DNAI2: variants seen among roughly 807,000 people sequenced by gnomAD.
The protein encoded by DNAI2 is dynein, axonemal, intermediate polypeptide 2.
DNAI2 carries 63 observed loss-of-function variants against 74.7 expected under a neutral mutation model. The ratio of observed to expected loss-of-function variants is 0.84; its 90% CI spans 0.69 to 1.04. The LOEUF (loss-of-function observed/expected upper bound fraction) is 1.04, where lower values mean the gene tolerates loss of function less well. Ranked by LOEUF, DNAI2 falls within the 50% of genes least tolerant of loss-of-function variation. The pLI is 0.00. For missense variants in DNAI2, 688 were observed against 803.2 expected, an observed-to-expected ratio of 0.86 and a Z score of 1.73; for synonymous variants, 289 against 314.9, an observed-to-expected ratio of 0.92 and a Z score of 0.87.
intron 1 of DNAI2, among the ~76,000 whole-genome samples, chr17:74,281,328 G>C (rs542850730): frequency 6.6e-6 from 1 of 150,806 alleles, no homozygotes; most frequent in Non-Finnish European, 1.5e-5. Context: ...GTGTGATCTC[G>C]GCTCACTGCA....
intron 1 of DNAI2, 90 bp from the exon 2 acceptor site, chr17:74,281,717 T>C: frequency 6.0e-6 from 8 of 1,342,038 alleles, no homozygotes; most frequent in Non-Finnish European, 8.4e-6. Flanking sequence ...CCAACCAGAT[T>C]GAGAACCTGG....
At chr17:74,284,548 G>A (rs937233111) in intron 2 of DNAI2, among the ~76,000 whole-genome samples, 2 of 152,086 alleles carry the variant, frequency 1.3e-5, no homozygotes, top group Non-Finnish European at 2.9e-5. Context: ...GAGTAGCTGG[G>A]ACTACAGGCG....
chr17:74,290,715 A>C (rs897875265), intron 5 of DNAI2, among the ~76,000 whole-genome samples: 1 of 152,224 alleles, frequency 6.6e-6, no homozygotes, highest in African/African-American at 2.4e-5. Context: ...TAAAAACTTT[A>C]GTATCAAAAC....
At chr17:74,299,061 G>C (rs1326151791) in intron 6 of DNAI2, among the ~76,000 whole-genome samples, 1 of 152,188 alleles carries the variant, frequency 6.6e-6, no homozygotes, top group East Asian at 1.9e-4. Flanking sequence ...CCTAGAAACA[G>C]CTCTGAGTGA....
intron 6 of DNAI2, among the ~76,000 whole-genome samples, chr17:74,293,087 C>T (rs1054871964): frequency 1.3e-5 from 2 of 152,152 alleles, no homozygotes; most frequent in East Asian, 3.9e-4. Context: ...CCCGCCTCGG[C>T]CTCCCAAAGT....
intron 6 of DNAI2, among the ~76,000 whole-genome samples, chr17:74,297,261 ATT>A (rs527624967): frequency 7.4e-6 from 1 of 135,378 alleles, no homozygotes; most frequent in Admixed American, 7.4e-5. Flanking sequence ...AATGTTTTGT[ATT>A]TTTTTTTTTT....
chr17:74,283,753 A>G (rs1318721505), intron 2 of DNAI2, among the ~76,000 whole-genome samples: 1 of 152,122 alleles, frequency 6.6e-6, no homozygotes, highest in Non-Finnish European at 1.5e-5. Context: ...AAGAAAAACA[A>G]AAACAAAAAT....
Position 74,275,256 on chromosome 17 carries a change from G to A in DNAI2, c.-12+911G>A, listed in dbSNP as rs547432256. Among the ~76,000 whole-genome samples, 250 of 152,242 alleles carry A rather than the reference G, an allele frequency of 1.6e-3. 1 individual carries two copies. The highest frequency in any genetic ancestry group is 5.7e-3 in the African/African-American group (237 of 41,534). Reference sequence around the variant, plus strand: ...GACCCCCATCGGTCTCCAATTCTGGGGACCTCTTCCCAACTCGTCCTGCCC... The same window carrying A: ...GACCCCCATCGGTCTCCAATTCTGGAGACCTCTTCCCAACTCGTCCTGCCC... On this transcript the variant is annotated intron_variant, in intron 1 of 13. Coordinates refer to ENST00000311014, the MANE Select transcript of DNAI2 (RefSeq NM_023036.6).
At chr17:74,295,275 A>C (rs1260051999) in intron 6 of DNAI2, among the ~76,000 whole-genome samples, 1 of 149,452 alleles carries the variant, frequency 6.7e-6, no homozygotes, top group East Asian at 2.0e-4. Flanking sequence ...GGTGGAGTGC[A>C]CCTGCAATCT....
chr17:74,304,819 C>A (rs564204947), intron 8 of DNAI2, among the ~76,000 whole-genome samples: 2 of 152,310 alleles, frequency 1.3e-5, no homozygotes, highest in South Asian at 4.1e-4. Context: ...AGGCTCTGCC[C>A]ATCCCATGAG....
chr17:74,279,592 A>G (rs1352389815), intron 1 of DNAI2, among the ~76,000 whole-genome samples: 4 of 152,176 alleles, frequency 2.6e-5, no homozygotes, highest in Non-Finnish European at 5.9e-5. Flanking sequence ...CAGTGGCACA[A>G]TCTCGACTCA....
At chr17:74,290,187 G>A (rs919817416) in intron 5 of DNAI2, among the ~76,000 whole-genome samples, 1 of 152,264 alleles carries the variant, frequency 6.6e-6, no homozygotes, top group African/African-American at 2.4e-5. Flanking sequence ...TTGATGGTGG[G>A]TGCCTGTAAT....
chr17:74,288,919 T>A (rs1286143713), intron 4 of DNAI2, among the ~76,000 whole-genome samples: 1 of 152,176 alleles, frequency 6.6e-6, no homozygotes, highest in Non-Finnish European at 1.5e-5. Flanking sequence ...ACCTTGGGTC[T>A]GGGTGATGCA....
chr17:74,296,854 G>A (rs1490153620), intron 6 of DNAI2, among the ~76,000 whole-genome samples: 1 of 152,166 alleles, frequency 6.6e-6, no homozygotes, highest in Non-Finnish European at 1.5e-5. Flanking sequence ...ACTGCAGAGT[G>A]TGCGATCTTA....
intron 6 of DNAI2, among the ~76,000 whole-genome samples, chr17:74,298,103 A>G (rs1223306358): frequency 6.6e-6 from 1 of 152,064 alleles, no homozygotes; most frequent in South Asian, 2.1e-4. Flanking sequence ...CCACTTTGCC[A>G]TGATTAATTC....
rs201801542 is a variant in DNAI2, at chr17:74,309,305, G to A, written c.1264G>A (p.Val422Ile). 7.6e-5 allele frequency: 123 copies of A among 1,614,116 alleles called. No individual in the cohort carries two copies. The highest frequency in any genetic ancestry group is 3.3e-5 in the Admixed American group (2 of 60,014). ...TGCCTGGAGCCCCGTGAGGCCGACC[G>A]TTTTCTTTACCACCAGGATGGACGG... ...DAAWSPVRPT[V>I]FFTTRMDGTL... Residue 422 changes from valine to isoleucine, a missense_variant, in exon 10 of 14, where the codon GTT becomes ATT. Transcript: ENST00000311014.
intron 1 of DNAI2, among the ~76,000 whole-genome samples, chr17:74,280,265 C>T (rs752885121): frequency 4.6e-4 from 70 of 152,180 alleles, no homozygotes; most frequent in African/African-American, 1.6e-3. Context: ...CTGTGAACCC[C>T]GCCTCTGATG....
At chr17:74,295,702 A>G (rs1378191694) in intron 6 of DNAI2, among the ~76,000 whole-genome samples, 1 of 152,192 alleles carries the variant, frequency 6.6e-6, no homozygotes, top group South Asian at 2.1e-4. Context: ...CAACTTTGCA[A>G]ATCAGATTGA....
chr17:74,285,963 A>ATG (rs2051699918), intron 3 of DNAI2, among the ~76,000 whole-genome samples: 1 of 137,722 alleles, frequency 7.3e-6, no homozygotes, highest in African/African-American at 2.8e-5. Context: ...ACACACATAT[A>ATG]TATATATAGA....
Sources: gnomAD v4.1 joint callset for allele counts (sites outside exome capture counted in the v4.1 genomes callset) on GRCh38, gnomAD v4.1.1 for gene constraint, MANE v1.5 for transcripts, NCBI Gene and HGNC (gene_info 2026-07-23, HGNC 2026-07-21) for gene names.